DAP: variants seen among roughly 807,000 people sequenced by gnomAD.
DAP encodes the protein death-associated protein 1.
DAP carries 8 observed loss-of-function variants against 13.8 expected under a neutral mutation model. That is an observed-to-expected ratio of 0.58 (90% CI 0.34 to 1.05). The LOEUF (loss-of-function observed/expected upper bound fraction) is 1.05, where lower values mean the gene tolerates loss of function less well. Among genes scored for constraint, DAP ranks in the 50% least tolerant of loss-of-function variants. DAP has a pLI of 0.03. For missense variants in DAP, 106 were observed against 133.2 expected, an observed-to-expected ratio of 0.80 and a Z score of 1.01; for synonymous variants, 47 against 47.5, an observed-to-expected ratio of 0.99 and a Z score of 0.04.
chr5:10,695,157 A>G (rs756463109), intron 2 of DAP, among the ~76,000 whole-genome samples: 37 of 152,252 alleles, frequency 2.4e-4, no homozygotes, highest in Admixed American at 6.5e-5. Context: ...TCTGGATAAC[A>G]TCATTCTTCA....
chr5:10,686,943 T>C (rs1204295012), intron 2 of DAP, among the ~76,000 whole-genome samples: 1 of 152,248 alleles, frequency 6.6e-6, no homozygotes, highest in Admixed American at 6.5e-5. Context: ...AAGGGCAGGC[T>C]GACTCTTAGT....
intron 2 of DAP, among the ~76,000 whole-genome samples, chr5:10,731,655 TA>T (rs1739464860): frequency 6.6e-6 from 1 of 152,256 alleles, no homozygotes; most frequent in Non-Finnish European, 1.5e-5. Flanking sequence ...CATGCCACTG[TA>T]AACCACATAT....
chr5:10,736,208 T>A (rs1739607753), intron 2 of DAP, among the ~76,000 whole-genome samples: 1 of 152,152 alleles, frequency 6.6e-6, no homozygotes, highest in South Asian at 2.1e-4. Flanking sequence ...GATCTCAAGC[T>A]TCTGGCCTCC....
chr5:10,697,041 G>A (rs1306202955), intron 2 of DAP, among the ~76,000 whole-genome samples: 1 of 152,170 alleles, frequency 6.6e-6, no homozygotes, highest in Non-Finnish European at 1.5e-5. Context: ...AGGGCAAGGG[G>A]CAAACTTAAA....
chr5:10,746,975 A>G (rs899965818), intron 2 of DAP, among the ~76,000 whole-genome samples: 1 of 152,170 alleles, frequency 6.6e-6, no homozygotes, highest in Non-Finnish European at 1.5e-5. Context: ...TACGTTACCT[A>G]GCACGGTGCA....
At chr5:10,693,319 T>G (rs912479867) in intron 2 of DAP, among the ~76,000 whole-genome samples, 14 of 152,222 alleles carry the variant, frequency 9.2e-5, no homozygotes, top group African/African-American at 3.4e-4. Context: ...CCTCTGCAAA[T>G]GCTGTCTCCT....
At chr5:10,691,346 A>ATAAT (rs1738303503) in intron 2 of DAP, among the ~76,000 whole-genome samples, 1 of 152,268 alleles carries the variant, frequency 6.6e-6, no homozygotes, top group Non-Finnish European at 1.5e-5. Flanking sequence ...TTTTCCAACT[A>ATAAT]TAATTAACAG....
chr5:10,729,404 C>G (rs1032346079), intron 2 of DAP, among the ~76,000 whole-genome samples: 5 of 152,202 alleles, frequency 3.3e-5, no homozygotes, highest in African/African-American at 1.2e-4. Flanking sequence ...CGATGCTCCC[C>G]CAAAAAGTAA....
intron 2 of DAP, chr5:10,734,315 A>T (rs1449142549): frequency 6.6e-6 from 1 of 152,392 alleles, no homozygotes; most frequent in East Asian, 1.9e-4. Flanking sequence ...AAGCTCATAA[A>T]TCACACCTGG....
rs777593081 is a variant in DAP at position 10,748,183 on chromosome 5, T to C, written c.144A>G (p.Glu48=). The C allele has an allele frequency of 6.2e-7, 1 of 1,612,916 alleles. No homozygotes were observed. The highest frequency in any genetic ancestry group is 1.1e-5 in the South Asian group (1 of 91,060). The change falls in exon 2 of 4, where the codon GAA becomes GAG. Residue 48 remains glutamate, a synonymous_variant. Transcript: ENST00000230895. ...CGCTAGCATCATCCCACCTGGGGCT[T>C]TCCCATTCCTGGTCATCCTTGTCTT... ...EEKDKDDQEW[E]SPSPPKPTVF... is the part of the protein sequence containing the mutation.
intron 2 of DAP, among the ~76,000 whole-genome samples, chr5:10,709,244 T>G (rs928587944): frequency 3.9e-5 from 6 of 152,274 alleles, no homozygotes; most frequent in African/African-American, 1.4e-4. Flanking sequence ...TAAATGTTTT[T>G]AGGTTTGCTA....
chr5:10,759,926 TCTA>T (rs1028339326), intron 1 of DAP, among the ~76,000 whole-genome samples: 1 of 151,990 alleles, frequency 6.6e-6, no homozygotes. Context: ...AGCTAATTTT[TCTA>T]CTTTTAGTAG....
intron 2 of DAP, among the ~76,000 whole-genome samples, chr5:10,713,242 G>A (rs1272176295): frequency 2.6e-5 from 4 of 152,192 alleles, no homozygotes; most frequent in South Asian, 2.1e-4. Context: ...CATTGGAATC[G>A]AAGGTCAACT....
chr5:10,726,539 A>C (rs539278420), intron 2 of DAP, among the ~76,000 whole-genome samples: 1 of 152,330 alleles, frequency 6.6e-6, no homozygotes, highest in East Asian at 1.9e-4. Flanking sequence ...CACACAGAGG[A>C]GGCAGAGGTG....
intron 2 of DAP, among the ~76,000 whole-genome samples, chr5:10,712,187 C>A (rs908149352): frequency 2.6e-5 from 4 of 152,098 alleles, no homozygotes; most frequent in African/African-American, 9.7e-5. Context: ...GAGAAGACGG[C>A]CATCTACAAG....
intron 2 of DAP, among the ~76,000 whole-genome samples, chr5:10,718,350 T>C (rs1267474886): frequency 6.6e-6 from 1 of 152,170 alleles, no homozygotes; most frequent in Admixed American, 6.5e-5. Flanking sequence ...GGCTGCATAA[T>C]TGGCATAAAC....
chr5:10,711,117 T>C (rs1333448618), intron 2 of DAP, among the ~76,000 whole-genome samples: 2 of 152,150 alleles, frequency 1.3e-5, no homozygotes, highest in East Asian at 1.9e-4. Context: ...GAAATAAATA[T>C]GGCCATGGGG....
intron 2 of DAP, among the ~76,000 whole-genome samples, chr5:10,731,644 C>T (rs975181713): frequency 1.1e-4 from 16 of 152,230 alleles, no homozygotes; most frequent in African/African-American, 3.6e-4. Context: ...TTCCCAACCT[C>T]CATGCCACTG....
intron 2 of DAP, among the ~76,000 whole-genome samples, chr5:10,693,515 A>T (rs1449797785): frequency 6.6e-6 from 1 of 152,224 alleles, no homozygotes; most frequent in African/African-American, 2.4e-5. Flanking sequence ...CGCTCCCCTT[A>T]GAAGTGCTGT....
Sources: gnomAD v4.1 joint callset for allele counts (sites outside exome capture counted in the v4.1 genomes callset) on GRCh38, gnomAD v4.1.1 for gene constraint, MANE v1.5 for transcripts, NCBI Gene and HGNC (gene_info 2026-07-23, HGNC 2026-07-21) for gene names.